Variants in LUZP1 observed in about 807,000 individuals in gnomAD.
The protein encoded by LUZP1 is filamin mechanobinding actin cross-linking protein.
LUZP1 carries 25 observed loss-of-function variants against 71.3 expected under a neutral mutation model. The observed-to-expected ratio is 0.35, with a 90% CI of 0.26 to 0.49. LUZP1 has a LOEUF of 0.49. LUZP1 is among the 20% of genes least tolerant of loss of function. LUZP1 has a pLI of 0.99. For synonymous variants in LUZP1, 481 were observed against 506.4 expected (o/e 0.95, Z 0.67); for missense variants, 1,142 against 1,300.8 (o/e 0.88, Z 1.88).
chr1:23,159,604 A>G (rs1644448579), intron 2 of LUZP1, among the ~76,000 whole-genome samples: 2 of 152,252 alleles, frequency 1.3e-5, no homozygotes, highest in Non-Finnish European at 2.9e-5. Context: ...ATAGGTACTC[A>G]ATAAATATTT....
chr1:23,120,970 A>G (rs1557657304), intron 2 of LUZP1, among the ~76,000 whole-genome samples: 1 of 152,102 alleles, frequency 6.6e-6, no homozygotes, highest in African/African-American at 2.4e-5. Context: ...TGAGCTGACT[A>G]CCTCTTAAGT....
intron 2 of LUZP1, among the ~76,000 whole-genome samples, chr1:23,160,598 T>C (rs573374830): frequency 3.1e-4 from 47 of 152,306 alleles, no homozygotes; most frequent in African/African-American, 1.1e-3. Context: ...AGCAGGATTC[T>C]AATAAAAAGA....
chr1:23,139,473 C>T (rs1274657654), intron 2 of LUZP1, among the ~76,000 whole-genome samples: 1 of 152,094 alleles, frequency 6.6e-6, no homozygotes, highest in Non-Finnish European at 1.5e-5. Context: ...CCCAAGACAG[C>T]AAGACCAAGC....
At chr1:23,123,294 T>C (rs11581670) in intron 2 of LUZP1, among the ~76,000 whole-genome samples, 79,076 of 151,738 alleles carry the variant, frequency 0.52, 21,286 homozygotes, top group African/African-American at 0.66. Flanking sequence ...GAGTTCGAGA[T>C]CAGCCTGACC....
chr1:23,107,896 T>A (rs1643996667), intron 3 of LUZP1, among the ~76,000 whole-genome samples: 1 of 152,230 alleles, frequency 6.6e-6, no homozygotes, highest in Non-Finnish European at 1.5e-5. Flanking sequence ...TAACTACACC[T>A]ATTTCCTCAG....
At chr1:23,144,795 G>C (rs934540665) in intron 2 of LUZP1, among the ~76,000 whole-genome samples, 1 of 152,168 alleles carries the variant, frequency 6.6e-6, no homozygotes, top group African/African-American at 2.4e-5. Context: ...GTAACTATTA[G>C]AACACATCCC....
intron 4 of LUZP1, chr1:23,090,603 T>A (rs563076528): frequency 1.5e-5 from 8 of 527,622 alleles, no homozygotes; most frequent in Middle Eastern, 5.1e-4. Context: ...AGACTGATAA[T>A]ATGAGACAGA....
At chr1:23,161,755 G>T (rs1024120722) in intron 2 of LUZP1, among the ~76,000 whole-genome samples, 5 of 152,166 alleles carry the variant, frequency 3.3e-5, no homozygotes, top group African/African-American at 1.2e-4. Flanking sequence ...CAGGCACAGT[G>T]GCTCACGCCT....
chr1:23,110,705 G>A (rs1319358775), intron 2 of LUZP1, among the ~76,000 whole-genome samples: 1 of 151,848 alleles, frequency 6.6e-6, no homozygotes, highest in Non-Finnish European at 1.5e-5. Flanking sequence ...AAGGCGGCTA[G>A]AATTACAATG....
intron 3 of LUZP1, among the ~76,000 whole-genome samples, chr1:23,099,844 G>T (rs763561576): frequency 7.2e-5 from 11 of 152,178 alleles, no homozygotes; most frequent in Non-Finnish European, 1.3e-4. Context: ...CTACTATTAG[G>T]ATAAAGTCCA....
intron 2 of LUZP1, among the ~76,000 whole-genome samples, chr1:23,150,579 G>T (rs1644375798): frequency 1.3e-5 from 2 of 152,176 alleles, no homozygotes; most frequent in Non-Finnish European, 2.9e-5. Context: ...CATCAAGAAT[G>T]AGGTAGAAAA....
At chr1:23,118,279 C>A (rs1644101959) in intron 2 of LUZP1, among the ~76,000 whole-genome samples, 1 of 151,766 alleles carries the variant, frequency 6.6e-6, no homozygotes. Flanking sequence ...CATCTGTAGT[C>A]CCAGCTACTC....
At chr1:23,116,584 TAA>T (rs71848574) in intron 2 of LUZP1, among the ~76,000 whole-genome samples, 2 of 132,862 alleles carry the variant, frequency 1.5e-5, no homozygotes. Context: ...ACTGGACTGT[TAA>T]AAAAAAAAAA....
At chr1:23,106,051 T>C (rs939617918) in intron 3 of LUZP1, among the ~76,000 whole-genome samples, 21 of 152,168 alleles carry the variant, frequency 1.4e-4, no homozygotes, top group African/African-American at 5.1e-4. Flanking sequence ...TTTTTTTCTG[T>C]TTTTGCTTAT....
In LUZP1 at chr1:23,176,873, G is replaced by T. The variant is rs541335543; in HGVS notation, c.-485+618C>A. Among the ~76,000 whole-genome samples the T allele has an allele frequency of 3.4e-4, 51 of 147,938 alleles. 1 individual carries two copies. The South Asian group carries it at 0.01, about 29-fold the overall frequency. On this transcript the variant is annotated intron_variant, in intron 1 of 4. Coordinates refer to ENST00000302291, the Ensembl canonical transcript of LUZP1. Reference sequence around the variant, plus strand: ...AGCAGACTTGGAGAGCTATAATTTTGGGGGGTTTTTTGTTTTTTGTTTTTT... The same window carrying T: ...AGCAGACTTGGAGAGCTATAATTTTTGGGGGTTTTTTGTTTTTTGTTTTTT...
At chr1:23,140,203 C>T (rs1391648084) in intron 2 of LUZP1, 1 of 151,748 alleles carries the variant, frequency 6.6e-6, no homozygotes, top group African/African-American at 2.4e-5. Context: ...CCTGTAGTAG[C>T]ACCTATCCAG....
intron 2 of LUZP1, among the ~76,000 whole-genome samples, chr1:23,148,441 G>A (rs1201865362): frequency 6.6e-6 from 1 of 152,110 alleles, no homozygotes; most frequent in Non-Finnish European, 1.5e-5. Context: ...TCGAAAATTT[G>A]CTTTACTAAA....
chr1:23,147,219 T>C (rs1051741852), intron 2 of LUZP1, among the ~76,000 whole-genome samples: 1 of 151,332 alleles, frequency 6.6e-6, no homozygotes, highest in Non-Finnish European at 1.5e-5. Flanking sequence ...GACGGGTGGA[T>C]CACTTTAGGT....
intron 2 of LUZP1, among the ~76,000 whole-genome samples, chr1:23,155,147 T>C (rs1345211719): frequency 6.6e-6 from 1 of 152,204 alleles, no homozygotes; most frequent in Non-Finnish European, 1.5e-5. Flanking sequence ...GATTTAAATC[T>C]ACCAGGGACC....
Sources: allele counts gnomAD v4.1 joint callset (sites outside exome capture counted in the v4.1 genomes callset), GRCh38; gene constraint gnomAD v4.1.1; transcripts MANE v1.5; gene names NCBI Gene and HGNC (gene_info 2026-07-23, HGNC 2026-07-21).